The following TNFRSF11A variants were observed in gnomAD, a reference collection of about 807,000 sequenced individuals.
TNFRSF11A encodes the protein TNF receptor superfamily member 11a, also known as tumor necrosis factor receptor superfamily member 11A.
A neutral mutation model predicts 55.7 loss-of-function variants in TNFRSF11A; 32 were observed. The ratio of observed to expected loss-of-function variants is 0.57; its 90% CI spans 0.43 to 0.77. TNFRSF11A has a LOEUF of 0.77. TNFRSF11A is among the 30% of genes least tolerant of loss of function. The pLI is 0.00. For missense variants in TNFRSF11A, 753 were observed against 809.8 expected (o/e 0.93, Z 0.85); for synonymous variants, 311 against 331.0 (o/e 0.94, Z 0.65).
At position 62,385,227 on chromosome 18, in the gene TNFRSF11A, C is replaced by T; in HGVS notation, c.*193C>T. Reference sequence around the variant, plus strand: ...TGAATTGATGAGGACTGTCCCCATGCCCACGGATGCTCAGCAGCCCGCCGC... The same window carrying T: ...TGAATTGATGAGGACTGTCCCCATGTCCACGGATGCTCAGCAGCCCGCCGC... On this transcript the variant is annotated 3_prime_UTR_variant, in exon 10 of 10. Transcript: ENST00000586569. 1 of 570,834 alleles carries T rather than the reference C, an allele frequency of 1.8e-6. No individual in the cohort carries two copies. Among genetic ancestry groups the T allele is most frequent in the South Asian group, 3.8e-5 (1 of 26,656 alleles). 35.4% of individuals were successfully genotyped at this position (570,834 alleles called of 1,614,324 possible). A position where few individuals can be genotyped will look rare whatever the true frequency, so the allele number is the denominator to read the frequency against.
At chr18:62,330,028 G>A (rs771471582) in intron 1 of TNFRSF11A, among the ~76,000 whole-genome samples, 1 of 152,180 alleles carries the variant, frequency 6.6e-6, no homozygotes, top group African/African-American at 2.4e-5. Context: ...CTGCTTGCAG[G>A]CCACAGCATT....
Position 62,390,402 on chromosome 18 carries a change from T to C in TNFRSF11A, c.*5368T>C, listed in dbSNP as rs1357924567. 6.6e-6 allele frequency: 1 copy of C among 152,168 alleles called. No individual in the cohort carries two copies. The highest frequency in any genetic ancestry group is 1.5e-5 in the Non-Finnish European group (1 of 68,042). 9.4% of individuals were successfully genotyped at this position (152,168 alleles called of 1,614,324 possible). A position where few individuals can be genotyped will look rare whatever the true frequency, so the allele number is the denominator to read the frequency against. On this transcript the variant is annotated 3_prime_UTR_variant, in exon 10 of 10. Transcript: ENST00000586569. ...GTAGGGCGCAAAGAATAGCCAGATG[T>C]GAAGGTTGAAAGGCTATGTGGGCTA...
chr18:62,370,739 A>G (rs1600409275), intron 9 of TNFRSF11A, among the ~76,000 whole-genome samples: 1 of 152,222 alleles, frequency 6.6e-6, no homozygotes, highest in East Asian at 1.9e-4. Context: ...AGAAGATCTC[A>G]GAATTGTTCT....
intron 1 of TNFRSF11A, among the ~76,000 whole-genome samples, chr18:62,331,632 A>G (rs2046155732): frequency 6.6e-6 from 1 of 152,248 alleles, no homozygotes; most frequent in Admixed American, 6.5e-5. Flanking sequence ...ATAAACAGCC[A>G]GTGATCCCCA....
chr18:62,325,360 C>G lies in TNFRSF11A; in HGVS notation c.8C>G (p.Pro3Arg), dbSNP rs1293779505. The G allele has an allele frequency of 3.9e-6, 4 of 1,029,366 alleles. No homozygotes were observed. Among genetic ancestry groups the G allele is most frequent in the Non-Finnish European group, 4.6e-6 (4 of 862,562 alleles). 63.8% of individuals were successfully genotyped at this position (1,029,366 alleles called of 1,614,324 possible). A position where few individuals can be genotyped will look rare whatever the true frequency, so the allele number is the denominator to read the frequency against. Residue 3 changes from proline to arginine, a missense_variant, in exon 1 of 10, where the codon CCG (proline) becomes CGG (arginine). Transcript: ENST00000586569. The surrounding 1 kb of genome is among the most constrained non-coding windows in gnomAD (Gnocchi z 4.7). ...GCCAGCCTGTCCCGCGCCATGGCCC[C>G]GCGCGCCCGGCGGCGCCGCCCGCTG... is the stretch of plus-strand genomic sequence containing the variant. Reference protein sequence around the residue: MAPRARRRRPLFA... With the variant: MARRARRRRPLFA...
intron 3 of TNFRSF11A, among the ~76,000 whole-genome samples, chr18:62,352,525 G>A (rs2046488670): frequency 1.3e-5 from 2 of 152,066 alleles, no homozygotes; most frequent in Admixed American, 1.3e-4. Context: ...GCTGTCTCTT[G>A]GAAATAAAGA....
chr18:62,332,666 C>A (rs2145241519), intron 1 of TNFRSF11A, among the ~76,000 whole-genome samples: 1 of 152,324 alleles, frequency 6.6e-6, no homozygotes, highest in East Asian at 1.9e-4. Context: ...AGATTGTTAG[C>A]CCACAACTTC....
At chr18:62,342,401 C>CAAAAAAAAAAAAAA (rs371734407) in intron 1 of TNFRSF11A, among the ~76,000 whole-genome samples, 15 of 62,230 alleles carry the variant, frequency 2.4e-4, no homozygotes, top group African/African-American at 6.8e-4. Context: ...GATTCTGTCT[C>CAAAAAAAAAAAAAA]AAAAAAAAAA....
chr18:62,377,277 A>G (rs539772077), intron 9 of TNFRSF11A, among the ~76,000 whole-genome samples: 1 of 152,312 alleles, frequency 6.6e-6, no homozygotes, highest in African/African-American at 2.4e-5. Context: ...GGATTTGTTT[A>G]TCCCTTCATT....
At chr18:62,384,397 C>T (rs1462355057) in intron 9 of TNFRSF11A, among the ~76,000 whole-genome samples, 3 of 143,296 alleles carry the variant, frequency 2.1e-5, no homozygotes, top group Admixed American at 6.8e-5. Flanking sequence ...CTCCTCCTCC[C>T]CCCTTCTTGT....
intron 8 of TNFRSF11A, chr18:62,367,544 T>C (rs1910178711): frequency 6.6e-6 from 1 of 152,350 alleles, no homozygotes; most frequent in Non-Finnish European, 1.5e-5. Context: ...TGTGTGTATA[T>C]GAACACAGGT....
chr18:62,334,052 G>T (rs1403151937), intron 1 of TNFRSF11A, among the ~76,000 whole-genome samples: 1 of 152,064 alleles, frequency 6.6e-6, no homozygotes, highest in African/African-American at 2.4e-5. Flanking sequence ...TTTTAGTAGA[G>T]ACGGGTTTTC....
intron 1 of TNFRSF11A, among the ~76,000 whole-genome samples, chr18:62,326,111 A>T (rs2046071251): frequency 6.6e-6 from 1 of 152,242 alleles, no homozygotes; most frequent in Non-Finnish European, 1.5e-5. Context: ...CTCGTGGAGG[A>T]GGGCCGCAGA....
rs121908659 is a variant in TNFRSF11A at position 62,348,249 on chromosome 18, G to C, written c.157G>C (p.Gly53Arg). Residue 53 changes from glycine (G) to arginine (R), a missense_variant and splice_region_variant, in exon 2 of 10, where the codon GGA becomes CGA. Gly to Arg is a moderately radical substitution (Grantham distance 125, BLOSUM62 -2). This residue lies in a region of TNFRSF11A where 156 missense variants were observed against 155.1 expected (regional missense o/e 1.01). Transcript: ENST00000586569. ...ACGGTGCTGTAACAAATGTGAACCA[G>C]GTACACCTGCTTCTGAGCCACCTTG... ...LGRCCNKCEP[G>R]KYMSSKCTTT... The C allele has an allele frequency of 1.2e-6, 2 of 1,613,966 alleles. No homozygotes were observed. The highest frequency in any genetic ancestry group is 2.2e-5 in the South Asian group (2 of 91,070).
intron 1 of TNFRSF11A, among the ~76,000 whole-genome samples, chr18:62,331,293 A>G (rs1380729818): frequency 6.6e-6 from 1 of 152,182 alleles, no homozygotes; most frequent in Non-Finnish European, 1.5e-5. Flanking sequence ...TTTGGGTTAT[A>G]TTTTTCACTT....
chr18:62,346,115 T>G (rs141437257), intron 1 of TNFRSF11A, among the ~76,000 whole-genome samples: 63 of 152,352 alleles, frequency 4.1e-4, no homozygotes, highest in African/African-American at 1.4e-3. Flanking sequence ...CCTTTCTGTG[T>G]GTAGAACACA....
intron 8 of TNFRSF11A, chr18:62,367,429 G>A (rs529956173): frequency 5.8e-5 from 9 of 154,506 alleles, no homozygotes; most frequent in African/African-American, 2.2e-4. Context: ...CAAAATTATA[G>A]GAAAGTAGTG....
chr18:62,347,163 T>C (rs2046395463), intron 1 of TNFRSF11A, among the ~76,000 whole-genome samples: 1 of 152,106 alleles, frequency 6.6e-6, no homozygotes, highest in South Asian at 2.1e-4. Flanking sequence ...CTAAGACCCT[T>C]GAGGGGAAGG....
At chr18:62,330,304 C>T (rs1315084348) in intron 1 of TNFRSF11A, among the ~76,000 whole-genome samples, 1 of 152,192 alleles carries the variant, frequency 6.6e-6, no homozygotes, top group Non-Finnish European at 1.5e-5. Flanking sequence ...GAGAGGACTT[C>T]CCATCCTTCC....
Sources: gnomAD v4.1 joint callset for allele counts (sites outside exome capture counted in the v4.1 genomes callset) on GRCh38, gnomAD v4.1.1 for gene constraint, gnomAD v4.1.1 regional missense constraint, Gnocchi (gnomAD v3.1) non-coding constraint, MANE v1.5 for transcripts, NCBI Gene and HGNC (gene_info 2026-07-23, HGNC 2026-07-21) for gene names.